Variants in DPYSL5 observed in about 807,000 individuals in gnomAD.
DPYSL5 encodes dihydropyrimidinase like 5.
Under a neutral mutation model 58.4 loss-of-function variants are expected in DPYSL5, and 9 were observed. That is an observed-to-expected ratio of 0.15 (90% CI 0.09 to 0.27). The LOEUF is 0.27. Ranked by LOEUF, DPYSL5 falls within the 10% of genes least tolerant of loss-of-function variation. DPYSL5 has a pLI of 1.00. For synonymous variants in DPYSL5, 293 were observed against 301.9 expected, an observed-to-expected ratio of 0.97 and a Z score of 0.31; for missense variants, 499 against 770.6, an observed-to-expected ratio of 0.65 and a Z score of 4.17.
At chr2:26,901,116 C>A (rs938108983) in intron 2 of DPYSL5, among the ~76,000 whole-genome samples, 5 of 152,084 alleles carry the variant, frequency 3.3e-5, no homozygotes, top group Non-Finnish European at 5.9e-5. Flanking sequence ...TGACGAAAGG[C>A]CCCAGATCTC....
intron 2 of DPYSL5, among the ~76,000 whole-genome samples, chr2:26,912,077 G>A (rs1664453662): frequency 6.6e-6 from 1 of 152,200 alleles, no homozygotes; most frequent in Non-Finnish European, 1.5e-5. Flanking sequence ...CTCTGCAATC[G>A]GGATGCCCCT....
intron 1 of DPYSL5, among the ~76,000 whole-genome samples, chr2:26,850,620 A>G (rs956105860): frequency 1.3e-5 from 2 of 151,974 alleles, no homozygotes; most frequent in African/African-American, 4.8e-5. Flanking sequence ...TGCCACTTAC[A>G]TTTGCCACTA....
chr2:26,872,211 T>C (rs1663280087), intron 1 of DPYSL5, among the ~76,000 whole-genome samples: 1 of 152,226 alleles, frequency 6.6e-6, no homozygotes, highest in African/African-American at 2.4e-5. Flanking sequence ...GCTCAGATGA[T>C]GGCTGGAGTT....
At position 26,931,169 on chromosome 2, in the gene DPYSL5, A is replaced by ATGTGTGTGTGTG. The variant is rs1324624030; in HGVS notation, c.670-447_670-436dup. 2.3e-3 allele frequency among the ~76,000 whole-genome samples: 103 copies of ATGTGTGTGTGTG among 45,682 alleles called. 1 individual carries two copies. The highest frequency in any genetic ancestry group is 0.014 in the Middle Eastern group (1 of 74). 30.0% of individuals were successfully genotyped at this position (45,682 alleles called of 152,430 possible). ...AAAAAAAAAATATATATATATATAT[A>ATGTGTGTGTGTG]TGTGTGTGTGTGTGTGTGTGTGTGT... On this transcript the variant is annotated intron_variant, in intron 5 of 12. Transcript: ENST00000288699.
intron 1 of DPYSL5, among the ~76,000 whole-genome samples, chr2:26,897,462 T>C (rs1664048366): frequency 6.6e-6 from 1 of 152,262 alleles, no homozygotes; most frequent in South Asian, 2.1e-4. Context: ...TGGATTACAC[T>C]GATTGTTTTT....
chr2:26,876,263 T>C (rs1177171080), intron 1 of DPYSL5, among the ~76,000 whole-genome samples: 2 of 152,138 alleles, frequency 1.3e-5, no homozygotes, highest in African/African-American at 2.4e-5. Flanking sequence ...AAGGGGGCCA[T>C]TGACTACCCC....
intron 1 of DPYSL5, among the ~76,000 whole-genome samples, chr2:26,888,209 T>TTTCC (rs1335062231): frequency 9.5e-6 from 1 of 105,040 alleles, no homozygotes; most frequent in East Asian, 2.6e-4. Flanking sequence ...CTTCCCTTTC[T>TTTCC]TTTCTTTCTT....
At chr2:26,943,057 C>T (rs1038958836) in intron 11 of DPYSL5, among the ~76,000 whole-genome samples, 1 of 152,174 alleles carries the variant, frequency 6.6e-6, no homozygotes, top group Non-Finnish European at 1.5e-5. Context: ...CCTCTGGATA[C>T]GCAGGCTTGG....
At chr2:26,941,227 T>C (rs1305349937) in intron 9 of DPYSL5, among the ~76,000 whole-genome samples, 1 of 152,130 alleles carries the variant, frequency 6.6e-6, no homozygotes, top group Non-Finnish European at 1.5e-5. Flanking sequence ...CATGAGCCAC[T>C]GCACCCGGCC....
intron 2 of DPYSL5, among the ~76,000 whole-genome samples, chr2:26,901,127 C>T (rs1664145686): frequency 6.6e-6 from 1 of 152,094 alleles, no homozygotes; most frequent in Non-Finnish European, 1.5e-5. Context: ...CCCAGATCTC[C>T]CATTTCTACA....
At chr2:26,874,075 T>G (rs560881784) in intron 1 of DPYSL5, among the ~76,000 whole-genome samples, 1 of 152,342 alleles carries the variant, frequency 6.6e-6, no homozygotes, top group East Asian at 1.9e-4. Context: ...ATACAAATAG[T>G]GTCTCTTCAA....
chr2:26,925,257 CAGAG>C lies in DPYSL5; in HGVS notation c.420+215_420+218del, dbSNP rs1664801306. On this transcript the variant is annotated intron_variant, in intron 3 of 12. Transcript: ENST00000288699. The surrounding 1 kb of genome is among the most constrained non-coding windows in gnomAD (Gnocchi z 4.5). The stretch of plus-strand genomic sequence containing the variant: ...TTAATGAGCCATTTTCCGGCAGGCA[CAGAG>C]AGGCCAAGGCCAGAGCCCAGGCCTT... Among the ~76,000 whole-genome samples the C allele has an allele frequency of 6.6e-6, 1 of 152,172 alleles. No individual in the cohort carries two copies. The highest frequency in any genetic ancestry group is 1.5e-5 in the Non-Finnish European group (1 of 68,024).
intron 1 of DPYSL5, among the ~76,000 whole-genome samples, chr2:26,896,020 C>T (rs1664012577): frequency 1.3e-5 from 2 of 151,952 alleles, no homozygotes; most frequent in South Asian, 4.1e-4. Context: ...CCTCATGACT[C>T]ACCCACCTCG....
At chr2:26,889,261 G>A (rs1414861639) in intron 1 of DPYSL5, among the ~76,000 whole-genome samples, 3 of 151,962 alleles carry the variant, frequency 2.0e-5, no homozygotes, top group Non-Finnish European at 4.4e-5. Flanking sequence ...TGGCCTTCTG[G>A]AGAGCTTATA....
chr2:26,892,723 G>A (rs1242831160), intron 1 of DPYSL5, among the ~76,000 whole-genome samples: 4 of 146,264 alleles, frequency 2.7e-5, no homozygotes, highest in Non-Finnish European at 6.0e-5. Context: ...TTAAGGTGAG[G>A]ATTATATCTT....
In DPYSL5 at chr2:26,947,944, A is replaced by C. The variant is rs1236686933; in HGVS notation, c.*949A>C. On this transcript the variant is annotated 3_prime_UTR_variant, in exon 13 of 13. Coordinates refer to ENST00000288699, the MANE Select transcript of DPYSL5 (RefSeq NM_020134.4). The surrounding 1 kb of genome is among the most constrained non-coding windows in gnomAD (Gnocchi z 4.2). ...CCCTCCCCTCCTTGTCTAGTTTCCCACATTCCAAAAGGGGGCCTGGGATGC... is the reference window on the plus strand; with the variant it reads ...CCCTCCCCTCCTTGTCTAGTTTCCCCCATTCCAAAAGGGGGCCTGGGATGC... 1 of 151,502 alleles carries C rather than the reference A, an allele frequency of 6.6e-6. No individual in the cohort carries two copies. The highest frequency in any genetic ancestry group is 1.5e-5 in the Non-Finnish European group (1 of 68,008). The allele number at this position is 151,502 out of a possible 1,614,324, so 9.4% of individuals were successfully genotyped here.
Position 26,942,469 on chromosome 2 carries a change from T to A in DPYSL5, c.1233-74T>A. On this transcript the variant is annotated intron_variant, in intron 10 of 12. Coordinates refer to ENST00000288699, the MANE Select transcript of DPYSL5 (RefSeq NM_020134.4). The surrounding 1 kb of genome is among the most constrained non-coding windows in gnomAD (Gnocchi z 5.9). ...ACCCATAACAACCAGCCTTTGGGGC[T>A]CACCCCTCCCATGGAGCTGTGACAT... is the stretch of plus-strand genomic sequence containing the variant. 1 of 1,507,128 alleles carries A rather than the reference T, an allele frequency of 6.6e-7. No individual in the cohort carries two copies. Among genetic ancestry groups the A allele is most frequent in the Non-Finnish European group, 9.0e-7 (1 of 1,108,620 alleles). 93.4% of individuals were successfully genotyped at this position (1,507,128 alleles called of 1,614,324 possible). A position where few individuals can be genotyped will look rare whatever the true frequency, so the allele number is the denominator to read the frequency against.
intron 2 of DPYSL5, among the ~76,000 whole-genome samples, chr2:26,912,213 C>T (rs1255269107): frequency 2.0e-5 from 3 of 152,196 alleles, no homozygotes; most frequent in Admixed American, 6.5e-5. Context: ...CAGAAAGCAG[C>T]GTCCCAGAGA....
chr2:26,937,784 C>A (rs1172691598), intron 8 of DPYSL5, among the ~76,000 whole-genome samples: 1 of 135,526 alleles, frequency 7.4e-6, no homozygotes, highest in Non-Finnish European at 1.6e-5. Flanking sequence ...GTTTGTTGAG[C>A]CAGGGTCTCA....
Sources: allele counts gnomAD v4.1 joint callset (sites outside exome capture counted in the v4.1 genomes callset), GRCh38; gene constraint gnomAD v4.1.1; non-coding constraint Gnocchi (gnomAD v3.1); transcripts MANE v1.5; gene names NCBI Gene and HGNC (gene_info 2026-07-23, HGNC 2026-07-21).